PALLD: variants seen among roughly 807,000 people sequenced by gnomAD.
PALLD encodes palladin.
PALLD carries 61 observed loss-of-function variants against 123.5 expected under a neutral mutation model. That is an observed-to-expected ratio of 0.49 (90% CI 0.40 to 0.61). The LOEUF is 0.61. Among genes scored for constraint, PALLD ranks in the 20% least tolerant of loss-of-function variants. The pLI is 0.00. For missense variants in PALLD, 1,273 were observed against 1,377.0 expected, an observed-to-expected ratio of 0.92 and a Z score of 1.20; for synonymous variants, 465 against 496.4, an observed-to-expected ratio of 0.94 and a Z score of 0.84.
rs537642224 is a variant in PALLD, at chr4:168,772,100, A to G, written c.1964+60177A>G. ...AATACTTAGTATGTGCCTAGCATTC[A>G]ACACTCACAACAGCCTTGCGAAATA... On this transcript the variant is annotated intron_variant, in intron 10 of 21. Coordinates refer to ENST00000505667, the MANE Select transcript of PALLD (RefSeq NM_001166108.2). Among the ~76,000 whole-genome samples, 30 of 152,294 alleles carry G rather than the reference A, an allele frequency of 2.0e-4. 1 individual carries two copies. The South Asian group carries it at 4.1e-3, about 21-fold the overall frequency.
intron 10 of PALLD, among the ~76,000 whole-genome samples, chr4:168,774,911 TC>T (rs935352523): frequency 1.3e-5 from 2 of 152,172 alleles, no homozygotes; most frequent in African/African-American, 4.8e-5. Flanking sequence ...CCGTATATAC[TC>T]TTTTTGTTTG....
rs6148775 is a variant in PALLD, at chr4:168,785,846, G to GATATATATATATATATATATATATAT, written c.1964+73929_1964+73954dup. On this transcript the variant is annotated intron_variant, in intron 10 of 21. Coordinates refer to ENST00000505667, the MANE Select transcript of PALLD (RefSeq NM_001166108.2). ...AGAGTCAGTTCTAATAAACTGTAGA[G>GATATATATATATATATATATATATAT]ATATATATATATATATATATATATA... Among the ~76,000 whole-genome samples, 330 of 80,740 alleles carry GATATATATATATATATATATATATAT rather than the reference G, an allele frequency of 4.1e-3. 20 individuals are homozygous for GATATATATATATATATATATATATAT. The highest frequency in any genetic ancestry group is 7.1e-3 in the Non-Finnish European group (253 of 35,388). 53.0% of individuals were successfully genotyped at this position (80,740 alleles called of 152,430 possible). A position where few individuals can be genotyped will look rare whatever the true frequency, so the allele number is the denominator to read the frequency against.
chr4:168,732,321 G>A (rs1787258796), intron 10 of PALLD, among the ~76,000 whole-genome samples: 1 of 152,160 alleles, frequency 6.6e-6, no homozygotes, highest in Non-Finnish European at 1.5e-5. Flanking sequence ...GATTGACTTA[G>A]AGTCAGTGCT....
At chr4:168,752,520 T>G (rs1561482083) in intron 10 of PALLD, among the ~76,000 whole-genome samples, 1 of 152,236 alleles carries the variant, frequency 6.6e-6, no homozygotes, top group Non-Finnish European at 1.5e-5. Flanking sequence ...CCAAGGTGTT[T>G]ATGCAGGAGT....
chr4:168,846,913 G>A (rs1746945415), intron 10 of PALLD, among the ~76,000 whole-genome samples: 1 of 152,102 alleles, frequency 6.6e-6, no homozygotes, highest in African/African-American at 2.4e-5. Flanking sequence ...ATGAAAAAAT[G>A]TTAATTTGAC....
intron 2 of PALLD, among the ~76,000 whole-genome samples, chr4:168,525,995 A>T (rs982370815): frequency 3.3e-5 from 5 of 152,194 alleles, no homozygotes; most frequent in African/African-American, 1.2e-4. Flanking sequence ...AGTCCCTTTC[A>T]CCTGCAAATC....
chr4:168,910,368 T>C (rs1758679293), intron 15 of PALLD, among the ~76,000 whole-genome samples: 1 of 152,088 alleles, frequency 6.6e-6, no homozygotes, highest in South Asian at 2.1e-4. Context: ...TGATTGTGCT[T>C]AGCACCTTTC....
At chr4:168,582,521 G>C (rs889906679) in intron 2 of PALLD, among the ~76,000 whole-genome samples, 5 of 152,056 alleles carry the variant, frequency 3.3e-5, no homozygotes, top group Non-Finnish European at 7.4e-5. Flanking sequence ...TGATCTTAGA[G>C]GAAAAGCTTT....
chr4:168,788,934 C>T (rs1201304463), intron 10 of PALLD, among the ~76,000 whole-genome samples: 1 of 151,914 alleles, frequency 6.6e-6, no homozygotes, highest in Admixed American at 6.6e-5. Flanking sequence ...TAGAACCTTG[C>T]CACCCCAACT....
chr4:168,504,808 T>G (rs1454616496), intron 1 of PALLD: 1 of 152,198 alleles, frequency 6.6e-6, no homozygotes. Flanking sequence ...TCTTCAAAAT[T>G]TCAAAATCTT....
At chr4:168,924,860 TAATGATCTAATTAAA>T (rs1762270093) in intron 19 of PALLD, 70 bp from the exon 20 acceptor site, 1 of 1,350,530 alleles carries the variant, frequency 7.4e-7, no homozygotes, top group African/African-American at 1.4e-5. Flanking sequence ...ATTCTGTTTC[TAATGATCTAATTAAA>T]AATGATGCTT....
Position 168,846,998 on chromosome 4 carries a change from GA to G in PALLD, c.1965-43921del, listed in dbSNP as rs1746957257. Among the ~76,000 whole-genome samples the G allele has an allele frequency of 1.3e-5, 2 of 152,220 alleles. 1 individual carries two copies. The highest frequency in any genetic ancestry group is 4.1e-4 in the South Asian group (2 of 4,834). On this transcript the variant is annotated intron_variant, in intron 10 of 21. Transcript: ENST00000505667. ...AAGGCCTGAAATTAGTGGGCTGGTT[GA>G]AAGGGGACTGGAATTGCAAGCTGCT... is the stretch of plus-strand genomic sequence containing the variant.
chr4:168,622,043 C>A (rs921185833), intron 2 of PALLD, among the ~76,000 whole-genome samples: 2 of 152,170 alleles, frequency 1.3e-5, no homozygotes, highest in Non-Finnish European at 2.9e-5. Context: ...GTAAAAAATT[C>A]TTCCAGTCAC....
chr4:168,534,238 G>A (rs1265210926), intron 2 of PALLD, among the ~76,000 whole-genome samples: 1 of 152,186 alleles, frequency 6.6e-6, no homozygotes, highest in East Asian at 1.9e-4. Flanking sequence ...GAAAAGATGG[G>A]CTGAAGTCAG....
At position 168,709,066 on chromosome 4, in the gene PALLD, G is replaced by A; in HGVS notation, c.1540G>A (p.Glu514Lys). 2 of 1,613,114 alleles carry A rather than the reference G, an allele frequency of 1.2e-6. No homozygotes were observed. Among genetic ancestry groups the A allele is most frequent in the Non-Finnish European group, 1.7e-6 (2 of 1,179,104 alleles). Reference protein sequence around the residue: ...CTLVIAETFPEDAGIFTCSAR... With the variant: ...CTLVIAETFPKDAGIFTCSAR... ...CCTAGTTATCGCTGAGACTTTCCCT[G>A]AAGATGCAGGGATCTTTACATGTTC... Residue 514 changes from glutamate (E) to lysine (K), a missense_variant, in exon 9 of 22, where the codon GAA becomes AAA. Physicochemically the swap from Glu to Lys is moderately conservative, Grantham distance 56. Around this residue, in one of 2 missense-constraint regions of PALLD, gnomAD observed 944 missense variants for 954.5 expected, o/e 0.99. Coordinates refer to ENST00000505667, the MANE Select transcript of PALLD (RefSeq NM_001166108.2).
chr4:168,657,882 C>G (rs1778735794), intron 2 of PALLD, among the ~76,000 whole-genome samples: 2 of 152,252 alleles, frequency 1.3e-5, no homozygotes, highest in East Asian at 3.9e-4. Context: ...AATCTGTGGG[C>G]CCTACGTAAA....
At chr4:168,803,472 C>T (rs572624618) in intron 10 of PALLD, among the ~76,000 whole-genome samples, 16 of 152,060 alleles carry the variant, frequency 1.1e-4, no homozygotes, top group Non-Finnish European at 1.6e-4. Context: ...ATTGCTTGAG[C>T]CCAGGAACTC....
chr4:168,801,426 A>G (rs930135752), intron 10 of PALLD, among the ~76,000 whole-genome samples: 1 of 151,998 alleles, frequency 6.6e-6, no homozygotes, highest in Non-Finnish European at 1.5e-5. Flanking sequence ...TTATAGGCGC[A>G]TGCCACCACA....
At chr4:168,539,925 T>C (rs1299897306) in intron 2 of PALLD, among the ~76,000 whole-genome samples, 1 of 152,104 alleles carries the variant, frequency 6.6e-6, no homozygotes, top group Non-Finnish European at 1.5e-5. Context: ...GTATTGAGCA[T>C]AGTACCCAAG....
Sources: gnomAD v4.1 joint callset for allele counts (sites outside exome capture counted in the v4.1 genomes callset) on GRCh38, gnomAD v4.1.1 for gene constraint, gnomAD v4.1.1 regional missense constraint, MANE v1.5 for transcripts, NCBI Gene and HGNC (gene_info 2026-07-23, HGNC 2026-07-21) for gene names.